BARD1: variants seen among roughly 807,000 people sequenced by gnomAD.
The protein encoded by BARD1 is BRCA1-associated RING domain protein 1.
A neutral mutation model predicts 77.0 loss-of-function variants in BARD1; 73 were observed. The ratio of observed to expected loss-of-function variants is 0.95; its 90% CI spans 0.79 to 1.15. BARD1 has a LOEUF of 1.15. Among genes scored for constraint, BARD1 ranks in the 50% most tolerant of loss-of-function variants. The pLI, the probability that BARD1 is intolerant of heterozygous loss-of-function variation, is 0.00. For missense variants in BARD1, 993 were observed against 938.8 expected (o/e 1.06, Z -0.75); for synonymous variants, 384 against 338.0 (o/e 1.14, Z -1.49).
intron 7 of BARD1, among the ~76,000 whole-genome samples, chr2:214,748,113 T>C (rs1379230580): frequency 6.6e-5 from 10 of 152,178 alleles, no homozygotes; most frequent in African/African-American, 2.2e-4. Context: ...CATTTCTAAA[T>C]ATAGCATATG....
intron 1 of BARD1, among the ~76,000 whole-genome samples, chr2:214,805,239 C>T (rs979412467): frequency 6.6e-6 from 1 of 152,240 alleles, no homozygotes; most frequent in Non-Finnish European, 1.5e-5. Context: ...AAGTACTCTT[C>T]TCAGCACTAT....
intron 9 of BARD1, among the ~76,000 whole-genome samples, chr2:214,732,013 C>T (rs2105993626): frequency 6.6e-6 from 1 of 152,274 alleles, no homozygotes; most frequent in South Asian, 2.1e-4. Context: ...CTGTTACATC[C>T]TGTTATCACT....
At chr2:214,748,939 A>G (rs1039056761) in intron 7 of BARD1, among the ~76,000 whole-genome samples, 5 of 152,190 alleles carry the variant, frequency 3.3e-5, no homozygotes, top group Admixed American at 6.6e-5. Flanking sequence ...AGTAAACAGA[A>G]GAGCCAGCCC....
Position 214,727,532 on chromosome 2 carries a change from G to A in BARD1, c.*1144C>T. ...ATCTAATGTATCCTTGTCGATTCAT[G>A]AATGAGAGCACCCAGAGCAGAGTAA... is the stretch of plus-strand genomic sequence containing the variant. On this transcript the variant is annotated 3_prime_UTR_variant, in exon 11 of 11. Coordinates refer to ENST00000260947, the MANE Select transcript of BARD1 (RefSeq NM_000465.4). 1 of 232,164 alleles carries A rather than the reference G, an allele frequency of 4.3e-6. No homozygotes were observed. Among genetic ancestry groups the A allele is most frequent in the South Asian group, 1.8e-4 (1 of 5,518 alleles). 14.4% of individuals were successfully genotyped at this position (232,164 alleles called of 1,614,324 possible). A position where few individuals can be genotyped will look rare whatever the true frequency, so the allele number is the denominator to read the frequency against.
At position 214,746,739 on chromosome 2, in the gene BARD1, A is replaced by C. The variant is rs528145785; in HGVS notation, c.1678-885T>G. Among the ~76,000 whole-genome samples the C allele has an allele frequency of 2.0e-5, 3 of 152,258 alleles. No individual in the cohort carries two copies. The South Asian group carries it at 6.2e-4, about 32-fold the overall frequency. On this transcript the variant is annotated intron_variant, in intron 7 of 10. Transcript: ENST00000260947. ...TAAACCCTCCTCACATAGACCTAAA[A>C]CCATTAAAAACCCTAGAAGAAAACG...
At chr2:214,782,991 G>T (rs1230639088) in intron 3 of BARD1, among the ~76,000 whole-genome samples, 1 of 152,106 alleles carries the variant, frequency 6.6e-6, no homozygotes, top group Non-Finnish European at 1.5e-5. Context: ...AGAGCAAGAT[G>T]ATAAAATGTT....
intron 2 of BARD1, among the ~76,000 whole-genome samples, chr2:214,794,628 A>G (rs1179033080): frequency 3.3e-5 from 5 of 152,342 alleles, no homozygotes; most frequent in African/African-American, 9.6e-5. Context: ...ATGCATGAAC[A>G]CACAAAAGCT....
intron 9 of BARD1, among the ~76,000 whole-genome samples, chr2:214,731,459 T>C (rs1692353279): frequency 6.6e-6 from 1 of 152,248 alleles, no homozygotes; most frequent in African/African-American, 2.4e-5. Flanking sequence ...ATATTTATCA[T>C]GCTTCTGTTC....
At chr2:214,799,185 C>T (rs1036167819) in intron 1 of BARD1, among the ~76,000 whole-genome samples, 3 of 151,994 alleles carry the variant, frequency 2.0e-5, no homozygotes, top group Non-Finnish European at 4.4e-5. Context: ...CCTGTAATCC[C>T]AGGAACTGGG....
intron 6 of BARD1, among the ~76,000 whole-genome samples, chr2:214,766,006 T>G (rs1160154599): frequency 1.3e-5 from 2 of 152,218 alleles, no homozygotes; most frequent in Admixed American, 6.5e-5. Flanking sequence ...ATTGAAAACT[T>G]AATTTTTTTG....
At position 214,739,652 on chromosome 2, in the gene BARD1, C is replaced by T. The variant is rs893846426; in HGVS notation, c.1903+5415G>A. On this transcript the variant is annotated intron_variant, in intron 9 of 10. Transcript: ENST00000260947. ...AGTTTGAAATTTGAAACTTCCATAG[C>T]GAAAAGTGAAAGGACAATGAAATAA... Among the ~76,000 whole-genome samples, 11 of 151,308 alleles carry T rather than the reference C, an allele frequency of 7.3e-5. No individual in the cohort carries two copies. In the East Asian group the frequency reaches 1.9e-3, roughly 27 times the overall value.
intron 4 of BARD1, among the ~76,000 whole-genome samples, chr2:214,772,251 C>A (rs1282018550): frequency 1.3e-5 from 2 of 152,134 alleles, no homozygotes; most frequent in Non-Finnish European, 2.9e-5. Context: ...GCCCCTGCAA[C>A]TTTTGCTTTA....
chr2:214,807,502 C>A (rs902861092), intron 1 of BARD1, among the ~76,000 whole-genome samples: 1 of 152,182 alleles, frequency 6.6e-6, no homozygotes, highest in Non-Finnish European at 1.5e-5. Context: ...CATTATTTAT[C>A]ATTTATTCTA....
chr2:214,751,524 T>C (rs1459406979), intron 7 of BARD1, among the ~76,000 whole-genome samples: 2 of 151,986 alleles, frequency 1.3e-5, no homozygotes, highest in African/African-American at 4.8e-5. Context: ...CTACTGTATA[T>C]TTTTATAGCT....
chr2:214,783,649 C>T (rs149835894), intron 3 of BARD1, among the ~76,000 whole-genome samples: 51 of 151,896 alleles, frequency 3.4e-4, no homozygotes, highest in East Asian at 7.8e-4. Context: ...TTGATAGGTG[C>T]GGCAAACCAT....
chr2:214,734,184 AT>A (rs761529943), intron 9 of BARD1, among the ~76,000 whole-genome samples: 1 of 152,174 alleles, frequency 6.6e-6, no homozygotes, highest in Non-Finnish European at 1.5e-5. Flanking sequence ...TATTAAAAAA[AT>A]ATGCTGGAAG....
chr2:214,806,910 A>G (rs1342609868), intron 1 of BARD1, among the ~76,000 whole-genome samples: 1 of 150,690 alleles, frequency 6.6e-6, no homozygotes, highest in East Asian at 1.9e-4. Context: ...CATGTGATAT[A>G]AAATTGTATA....
At chr2:214,786,933 C>T (rs1218704480) in intron 3 of BARD1, among the ~76,000 whole-genome samples, 2 of 151,850 alleles carry the variant, frequency 1.3e-5, no homozygotes, top group Non-Finnish European at 2.9e-5. Flanking sequence ...GATTTCAAAA[C>T]CAAGTCACTT....
intron 9 of BARD1, among the ~76,000 whole-genome samples, chr2:214,742,801 T>C (rs1459196765): frequency 1.3e-5 from 2 of 152,224 alleles, no homozygotes; most frequent in African/African-American, 2.4e-5. Flanking sequence ...AGTTAAGTGG[T>C]AAATGTCTTA....
Sources: allele counts gnomAD v4.1 joint callset (sites outside exome capture counted in the v4.1 genomes callset), GRCh38; gene constraint gnomAD v4.1.1; transcripts MANE v1.5; gene names NCBI Gene and HGNC (gene_info 2026-07-23, HGNC 2026-07-21).